The following R3HDM2 variants were observed in gnomAD, a reference collection of about 807,000 sequenced individuals.
R3HDM2 encodes R3H domain-containing protein 2.
In R3HDM2, 38 loss-of-function variants were observed where a neutral mutation model predicts 124.5. The ratio of observed to expected loss-of-function variants is 0.31; its 90% CI spans 0.24 to 0.40. The LOEUF (loss-of-function observed/expected upper bound fraction) is 0.40. R3HDM2 is among the 10% of genes least tolerant of loss of function. The pLI, the probability that R3HDM2 is intolerant of heterozygous loss-of-function variation, is 1.00. For missense variants in R3HDM2, 869 were observed against 1,236.9 expected (o/e 0.70, Z 4.46); for synonymous variants, 391 against 448.0 (o/e 0.87, Z 1.61).
chr12:57,426,393 G>C (rs558938533), intron 1 of R3HDM2, among the ~76,000 whole-genome samples: 2 of 152,274 alleles, frequency 1.3e-5, no homozygotes, highest in East Asian at 3.9e-4. Context: ...CTCTAGAACT[G>C]AACATTCTAC....
intron 4 of R3HDM2, among the ~76,000 whole-genome samples, chr12:57,301,326 A>G (rs2138724360): frequency 6.6e-6 from 1 of 152,332 alleles, no homozygotes; most frequent in East Asian, 1.9e-4. Flanking sequence ...ATCTACCTAT[A>G]AACATTTACT....
intron 2 of R3HDM2, among the ~76,000 whole-genome samples, chr12:57,321,575 C>T (rs1472252826): frequency 1.3e-5 from 2 of 152,036 alleles, no homozygotes; most frequent in East Asian, 3.9e-4. Flanking sequence ...TTGCCTGAAC[C>T]GGGAGGCAGA....
chr12:57,363,756 C>A (rs889467611), intron 2 of R3HDM2, among the ~76,000 whole-genome samples: 1 of 151,840 alleles, frequency 6.6e-6, no homozygotes, highest in African/African-American at 2.4e-5. Flanking sequence ...CCTATATTCC[C>A]AGCTACTTAG....
chr12:57,362,109 G>A (rs1358708819), intron 2 of R3HDM2, among the ~76,000 whole-genome samples: 1 of 152,130 alleles, frequency 6.6e-6, no homozygotes, highest in African/African-American at 2.4e-5. Context: ...TCCATCCTGG[G>A]AGACAGAATA....
At chr12:57,297,417 A>C in intron 7 of R3HDM2, 30 bp from the exon 8 acceptor site, 1 of 1,414,560 alleles carries the variant, frequency 7.1e-7, no homozygotes, top group Non-Finnish European at 9.7e-7. Context: ...ACAAAACAAA[A>C]CAAAACAAAA....
At chr12:57,281,136 A>C (rs1329451072) in intron 13 of R3HDM2, among the ~76,000 whole-genome samples, 1 of 151,772 alleles carries the variant, frequency 6.6e-6, no homozygotes, top group Non-Finnish European at 1.5e-5. Flanking sequence ...AAAATATAAA[A>C]ATTATCCGAG....
At chr12:57,329,236 G>A (rs934190671) in intron 2 of R3HDM2, among the ~76,000 whole-genome samples, 32 of 152,214 alleles carry the variant, frequency 2.1e-4, no homozygotes, top group African/African-American at 7.2e-4. Context: ...AAAGACGAGC[G>A]TCATTATGGT....
chr12:57,363,754 C>T (rs1205891129), intron 2 of R3HDM2, among the ~76,000 whole-genome samples: 1 of 151,852 alleles, frequency 6.6e-6, no homozygotes, highest in Admixed American at 6.6e-5. Context: ...TGCCTATATT[C>T]CCAGCTACTT....
chr12:57,410,318 T>TAAAAAAAAAAAAAAAAAAAAAAAAAAAA (rs56412130), intron 1 of R3HDM2, among the ~76,000 whole-genome samples: 4 of 100,144 alleles, frequency 4.0e-5, no homozygotes, highest in Non-Finnish European at 5.9e-5. Context: ...AGTATAACCT[T>TAAAAAAAAAAAAAAAAAAAAAAAAAAAA]AAAAAAAAAA....
intron 2 of R3HDM2, among the ~76,000 whole-genome samples, chr12:57,321,816 C>T (rs2056501124): frequency 6.6e-6 from 1 of 152,102 alleles, no homozygotes; most frequent in Non-Finnish European, 1.5e-5. Flanking sequence ...ACAGTGATCA[C>T]AATCAGAAAA....
intron 2 of R3HDM2, among the ~76,000 whole-genome samples, chr12:57,357,464 G>GA (rs752104852): frequency 0.014 from 1,806 of 124,900 alleles, 17 homozygotes; most frequent in African/African-American, 0.04. Context: ...TCCATCTCAA[G>GA]AAAAAAAAAA....
At chr12:57,423,854 C>T (rs377235865) in intron 1 of R3HDM2, among the ~76,000 whole-genome samples, 15 of 142,178 alleles carry the variant, frequency 1.1e-4, no homozygotes, top group African/African-American at 3.4e-4. Flanking sequence ...GTGGCTTACA[C>T]CTGTAATCCC....
intron 1 of R3HDM2, among the ~76,000 whole-genome samples, chr12:57,424,783 C>T (rs1424241996): frequency 6.6e-6 from 1 of 152,016 alleles, no homozygotes; most frequent in Non-Finnish European, 1.5e-5. Flanking sequence ...TAGCTCACTG[C>T]AGCTGCAAAC....
chr12:57,399,461 C>T (rs2067858744), intron 1 of R3HDM2, among the ~76,000 whole-genome samples: 1 of 152,094 alleles, frequency 6.6e-6, no homozygotes, highest in East Asian at 1.9e-4. Flanking sequence ...GAAAAACAGA[C>T]ACTTTGTCCT....
At chr12:57,328,389 A>G (rs146128960) in intron 2 of R3HDM2, among the ~76,000 whole-genome samples, 43 of 152,084 alleles carry the variant, frequency 2.8e-4, no homozygotes, top group Non-Finnish European at 5.3e-4. Flanking sequence ...AAATTGCCAC[A>G]GCTACCCCAA....
chr12:57,308,279 C>G (rs1193706928), intron 3 of R3HDM2, among the ~76,000 whole-genome samples: 1 of 151,106 alleles, frequency 6.6e-6, no homozygotes, highest in Non-Finnish European at 1.5e-5. Flanking sequence ...CGATCTTGAA[C>G]TCCCGACCTC....
At chr12:57,325,247 A>T (rs1248118036) in intron 2 of R3HDM2, among the ~76,000 whole-genome samples, 2 of 152,128 alleles carry the variant, frequency 1.3e-5, no homozygotes, top group Admixed American at 1.3e-4. Context: ...GGTTCAAGAG[A>T]TTATCCTGCC....
chr12:57,388,750 A>G (rs1240630941), intron 2 of R3HDM2, among the ~76,000 whole-genome samples: 6 of 152,078 alleles, frequency 3.9e-5, no homozygotes, highest in African/African-American at 9.7e-5. Flanking sequence ...CTTTTCCCGA[A>G]TTAGGACTCC....
intron 1 of R3HDM2, among the ~76,000 whole-genome samples, chr12:57,399,629 T>G (rs1384008169): frequency 1.3e-5 from 2 of 152,060 alleles, no homozygotes. Flanking sequence ...TTAATAAAAC[T>G]TACTTGGAGA....
Sources: allele counts gnomAD v4.1 joint callset (sites outside exome capture counted in the v4.1 genomes callset), GRCh38; gene constraint gnomAD v4.1.1; transcripts MANE v1.5; gene names NCBI Gene and HGNC (gene_info 2026-07-23, HGNC 2026-07-21).